NCOA3: variants seen among roughly 807,000 people sequenced by gnomAD.
NCOA3 encodes nuclear receptor coactivator 3, also known as CBP-interacting protein.
NCOA3 carries 51 observed loss-of-function variants against 158.8 expected under a neutral mutation model. The ratio of observed to expected loss-of-function variants is 0.32; its 90% CI spans 0.26 to 0.41. The LOEUF (loss-of-function observed/expected upper bound fraction) is 0.41. NCOA3 is among the 10% of genes least tolerant of loss of function. The probability of loss-of-function intolerance (pLI) is 1.00; values close to 1 mark genes in which losing one functional copy is unlikely to be tolerated. For synonymous variants in NCOA3, 537 were observed against 592.4 expected, an observed-to-expected ratio of 0.91 and a Z score of 1.36; for missense variants, 1,510 against 1,746.6, an observed-to-expected ratio of 0.86 and a Z score of 2.41.
intron 8 of NCOA3, among the ~76,000 whole-genome samples, chr20:47,629,908 A>G (rs1243489091): frequency 2.0e-5 from 3 of 152,240 alleles, no homozygotes; most frequent in East Asian, 3.8e-4. Flanking sequence ...AAAGTTAGAA[A>G]TTACCAAGCA....
chr20:47,648,648 A>G (rs1305430904), intron 18 of NCOA3, among the ~76,000 whole-genome samples: 1 of 151,950 alleles, frequency 6.6e-6, no homozygotes, highest in Non-Finnish European at 1.5e-5. Flanking sequence ...AATTTTTTGT[A>G]GAGATGGGGT....
At chr20:47,563,899 AAAAAAG>A (rs931350695) in intron 1 of NCOA3, among the ~76,000 whole-genome samples, 12 of 150,764 alleles carry the variant, frequency 8.0e-5, no homozygotes, top group African/African-American at 2.4e-4. Flanking sequence ...AAAAAAAAAA[AAAAAAG>A]AAAGAAAAAA....
intron 1 of NCOA3, among the ~76,000 whole-genome samples, chr20:47,559,467 A>G (rs1006732366): frequency 3.3e-5 from 5 of 152,134 alleles, no homozygotes; most frequent in Middle Eastern, 3.2e-3. Flanking sequence ...CATTTGTACA[A>G]AACAGTAGAG....
At chr20:47,525,949 C>A (rs1378740234) in intron 1 of NCOA3, among the ~76,000 whole-genome samples, 9 of 151,392 alleles carry the variant, frequency 5.9e-5, no homozygotes, top group Admixed American at 1.3e-4. Context: ...CTGACCCCCC[C>A]ACCTCCCTCC....
intron 11 of NCOA3, 44 bp downstream of exon 11, chr20:47,635,757 A>G: frequency 6.5e-7 from 1 of 1,547,864 alleles, no homozygotes; most frequent in Non-Finnish European, 8.7e-7. Context: ...CTTTTTAAGT[A>G]ATTATTCTTT....
chr20:47,544,847 T>G (rs1353808028), intron 1 of NCOA3, among the ~76,000 whole-genome samples: 5 of 152,182 alleles, frequency 3.3e-5, no homozygotes, highest in Non-Finnish European at 7.3e-5. Context: ...TAAATATATA[T>G]TTAATGCCCA....
intron 3 of NCOA3, among the ~76,000 whole-genome samples, chr20:47,623,510 G>A (rs1449999430): frequency 6.6e-6 from 1 of 152,036 alleles, no homozygotes; most frequent in South Asian, 2.1e-4. Context: ...ATAATAGGCC[G>A]GGTGTGGTGG....
intron 3 of NCOA3, chr20:47,623,157 A>C (rs1384139468): frequency 2.6e-5 from 4 of 152,146 alleles, no homozygotes; most frequent in Non-Finnish European, 5.9e-5. Flanking sequence ...ATATAACACT[A>C]CTCTATAGCT....
At chr20:47,588,443 A>G (rs1411773949) in intron 2 of NCOA3, among the ~76,000 whole-genome samples, 2 of 151,756 alleles carry the variant, frequency 1.3e-5, no homozygotes, top group Non-Finnish European at 2.9e-5. Flanking sequence ...CCTCCACCCC[A>G]CTTTTACTTC....
In NCOA3 at chr20:47,627,060, A is replaced by G; in HGVS notation, c.416A>G (p.Glu139Gly). 1 of 1,613,578 alleles carries G rather than the reference A, an allele frequency of 6.2e-7. No homozygotes were observed. The highest frequency in any genetic ancestry group is 8.5e-7 in the Non-Finnish European group (1 of 1,179,566). The change falls in exon 6 of 23, where the codon GAA becomes GGA. Residue 139 changes from glutamate to glycine, a missense_variant. Glu to Gly is a moderately conservative substitution (Grantham distance 98, BLOSUM62 -2). This residue lies in a region of NCOA3 where 309 missense variants were observed against 427.1 expected (regional missense o/e 0.72). Transcript: ENST00000371998. Reference sequence around the variant, plus strand: ...GACGGAAACATTGTATTTGTATCAGAAAATGTCACACAATACCTGCAATAT... The same window carrying G: ...GACGGAAACATTGTATTTGTATCAGGAAATGTCACACAATACCTGCAATAT... ...NRDGNIVFVS[E>G]NVTQYLQYKQ... is the part of the protein sequence containing the mutation.
intron 1 of NCOA3, among the ~76,000 whole-genome samples, chr20:47,544,317 T>C (rs1228705784): frequency 5.4e-5 from 3 of 55,230 alleles, no homozygotes; most frequent in South Asian, 1.0e-3. Context: ...TTAATACTAC[T>C]TTTTTTTTTT....
chr20:47,521,090 G>A (rs1351447490), intron 1 of NCOA3, among the ~76,000 whole-genome samples: 2 of 152,190 alleles, frequency 1.3e-5, no homozygotes, highest in Non-Finnish European at 2.9e-5. Flanking sequence ...GCACAGAGTC[G>A]TCGCCGCAGT....
intron 2 of NCOA3, among the ~76,000 whole-genome samples, chr20:47,593,334 A>ATTTTTTTTTTTTTTTTT (rs71183267): frequency 1.6e-5 from 1 of 63,722 alleles, no homozygotes; most frequent in Non-Finnish European, 2.7e-5. Flanking sequence ...GAGTTGATGG[A>ATTTTTTTTTTTTTTTTT]TTTTTTTTTT....
chr20:47,505,002 G>GTT (rs2084003938), intron 1 of NCOA3, among the ~76,000 whole-genome samples: 3 of 8,554 alleles, frequency 3.5e-4, no homozygotes, highest in African/African-American at 1.1e-3. Flanking sequence ...TTGGGTTTTT[G>GTT]GTTTTTTTTT....
chr20:47,628,094 A>G (rs1436129129), intron 8 of NCOA3, 71 bp downstream of exon 8: 7 of 1,105,462 alleles, frequency 6.3e-6, no homozygotes, highest in Admixed American at 1.9e-5. Context: ...ATTTTTGTAA[A>G]TGTTACTATT....
At chr20:47,615,673 T>C (rs1004775963) in intron 2 of NCOA3, among the ~76,000 whole-genome samples, 1 of 152,246 alleles carries the variant, frequency 6.6e-6, no homozygotes, top group Admixed American at 6.5e-5. Flanking sequence ...AGCTTCAACA[T>C]GTTCCATAGC....
chr20:47,514,713 CTTTT>C (rs143888226), intron 1 of NCOA3, among the ~76,000 whole-genome samples: 1 of 104,998 alleles, frequency 9.5e-6, no homozygotes, highest in Non-Finnish European at 1.9e-5. Flanking sequence ...TTGTTTTTTG[CTTTT>C]TTTTTTTTTT....
At chr20:47,612,883 T>C (rs527520107) in intron 2 of NCOA3, among the ~76,000 whole-genome samples, 2 of 152,336 alleles carry the variant, frequency 1.3e-5, no homozygotes, top group South Asian at 4.1e-4. Flanking sequence ...CTGTTGCTCA[T>C]GTAGAGGTTG....
rs2086268646 is a variant in NCOA3, at chr20:47,623,165, GC to G, written c.84-745del. On this transcript the variant is annotated intron_variant, in intron 3 of 22. Coordinates refer to ENST00000371998, the MANE Select transcript of NCOA3 (RefSeq NM_181659.3). ...GTAATCTATATAACACTACTCTATA[GC>G]TTTTAAAGTATTTGCCAAAGTCAGT... 5 of 152,112 alleles carry G rather than the reference GC, an allele frequency of 3.3e-5. No individual in the cohort carries two copies. The South Asian group carries it at 1.0e-3, about 32-fold the overall frequency. The allele number at this position is 152,112 out of a possible 1,614,324, so 9.4% of individuals were successfully genotyped here.
Sources: gnomAD v4.1 joint callset for allele counts (sites outside exome capture counted in the v4.1 genomes callset) on GRCh38, gnomAD v4.1.1 for gene constraint, gnomAD v4.1.1 regional missense constraint, MANE v1.5 for transcripts, NCBI Gene and HGNC (gene_info 2026-07-23, HGNC 2026-07-21) for gene names.